Variants in ZDHHC7 observed in about 807,000 individuals in gnomAD.
ZDHHC7 encodes the protein zDHHC palmitoyltransferase 7.
ZDHHC7 carries 12 observed loss-of-function variants against 34.1 expected under a neutral mutation model. The observed-to-expected ratio is 0.35, with a 90% CI of 0.23 to 0.57. The LOEUF (loss-of-function observed/expected upper bound fraction) is 0.57. Among genes scored for constraint, ZDHHC7 ranks in the 20% least tolerant of loss-of-function variants. The probability of loss-of-function intolerance (pLI) is 0.84; values close to 1 mark genes in which losing one functional copy is unlikely to be tolerated. For synonymous variants in ZDHHC7, 185 were observed against 155.4 expected (o/e 1.19, Z -1.42); for missense variants, 388 against 402.7 (o/e 0.96, Z 0.31).
At position 84,977,172 on chromosome 16, in the gene ZDHHC7, G is replaced by A; in HGVS notation, c.673C>T (p.Leu225Phe). Residue 225 changes from leucine to phenylalanine, a missense_variant, in exon 7 of 8, where the codon CTT becomes TTT. Leu to Phe is a conservative substitution (Grantham distance 22, BLOSUM62 0). Coordinates refer to ENST00000313732, the MANE Select transcript of ZDHHC7 (RefSeq NM_017740.3). ...AAAGTGAAAAACAGAAGACCCTCAAGGCACAGGAAGATCAACAGGATTACA... is the reference window on the plus strand; with the variant it reads ...AAAGTGAAAAACAGAAGACCCTCAAAGCACAGGAAGATCAACAGGATTACA... Reference protein sequence around the residue: ...ITVILLIFLCLEGLLFFTFTA... With the variant: ...ITVILLIFLCFEGLLFFTFTA... 1 of 1,614,192 alleles carries A rather than the reference G, an allele frequency of 6.2e-7. No homozygotes were observed. Among genetic ancestry groups the A allele is most frequent in the Non-Finnish European group, 8.5e-7 (1 of 1,180,036 alleles).
chr16:84,994,914 C>G (rs2072556669), intron 2 of ZDHHC7, among the ~76,000 whole-genome samples: 1 of 152,182 alleles, frequency 6.6e-6, no homozygotes. Context: ...TCACTCGTGT[C>G]TCTGAGTCAC....
At chr16:85,021,806 G>A in the ZDHHC7 span, among the ~76,000 whole-genome samples, 1 of 151,492 alleles carries the variant, frequency 6.6e-6, no homozygotes. Flanking sequence ...GGGAGGGGAG[G>A]AGGAGGAGAG....
intron 3 of ZDHHC7, among the ~76,000 whole-genome samples, chr16:84,983,883 T>C (rs1463115479): frequency 6.7e-6 from 1 of 149,370 alleles, no homozygotes; most frequent in Non-Finnish European, 1.5e-5. Context: ...GCTTGTAATA[T>C]CCCAGCTACT....
rs117007632 is a variant in ZDHHC7, at chr16:84,994,138, G to A, written c.-18+1784C>T. ...AGAGCTCTTGCAGGTCCGACCTCCC[G>A]GCCTGATGTCAGCCCCTCCAGGGGG... On this transcript the variant is annotated intron_variant, in intron 2 of 7. Coordinates refer to ENST00000313732, the MANE Select transcript of ZDHHC7 (RefSeq NM_017740.3). 1.5e-3 allele frequency among the ~76,000 whole-genome samples: 231 copies of A among 152,292 alleles called. No homozygotes were observed. The East Asian group carries it at 0.031, about 20-fold the overall frequency.
chr16:84,983,576 C>G (rs555175833), intron 3 of ZDHHC7, among the ~76,000 whole-genome samples: 1 of 152,300 alleles, frequency 6.6e-6, no homozygotes, highest in South Asian at 2.1e-4. Context: ...AAACAAGGCC[C>G]CGTCAGTCCC....
In ZDHHC7 at chr16:84,998,369, G is replaced by C. The variant is rs368194529; in HGVS notation, c.-103-2362C>G. 4.6e-5 allele frequency among the ~76,000 whole-genome samples: 7 copies of C among 152,242 alleles called. No individual in the cohort carries two copies. The East Asian group carries it at 9.7e-4, about 21-fold the overall frequency. The stretch of plus-strand genomic sequence containing the variant: ...GAAAAGGGCGCAAGCAGATCTCCTT[G>C]TGGTAGGTTTCGGCTCTGGCTTCGG... On this transcript the variant is annotated intron_variant, in intron 1 of 7. Coordinates refer to ENST00000313732, the MANE Select transcript of ZDHHC7 (RefSeq NM_017740.3).
chr16:84,975,417 G>A lies in ZDHHC7; in HGVS notation c.*926C>T, dbSNP rs2072282187. ...GAGCCGCAGCTCTGCTCTTACCTAG[G>A]TGCCATTTATACACTGCTAATTTGG... On this transcript the variant is annotated 3_prime_UTR_variant, in exon 8 of 8. Transcript: ENST00000313732. The A allele has an allele frequency of 6.6e-6, 1 of 151,976 alleles. No homozygotes were observed. The highest frequency in any genetic ancestry group is 2.4e-5 in the African/African-American group (1 of 41,238). 9.4% of individuals were successfully genotyped at this position (151,976 alleles called of 1,614,324 possible). A position where few individuals can be genotyped will look rare whatever the true frequency, so the allele number is the denominator to read the frequency against.
chr16:84,989,209 C>G (rs2072476529), intron 3 of ZDHHC7, among the ~76,000 whole-genome samples: 2 of 152,216 alleles, frequency 1.3e-5, no homozygotes, highest in African/African-American at 4.8e-5. Flanking sequence ...GGTACCACTC[C>G]CCAGCTGCCC....
At chr16:85,027,183 C>G in the ZDHHC7 span, among the ~76,000 whole-genome samples, 11 of 152,192 alleles carry the variant, frequency 7.2e-5, no homozygotes, top group African/African-American at 2.7e-4. Context: ...GTAAATTGGC[C>G]TCTGATTGCT....
At position 84,976,456 on chromosome 16, in the gene ZDHHC7, T is replaced by C; in HGVS notation, c.814A>G (p.Lys272Glu). 6.2e-7 allele frequency: 1 copy of C among 1,614,110 alleles called. No homozygotes were observed. The highest frequency in any genetic ancestry group is 1.1e-5 in the South Asian group (1 of 91,076). The change falls in exon 8 of 8, where the codon AAG becomes GAG. Residue 272 changes from lysine to glutamate, a missense_variant. By Grantham distance (56) the Lys-to-Glu change is moderately conservative. Transcript: ENST00000313732. ...GAGGGGGGCCCCCCAAAGACGGACTTCATCCCTTCCCATCGCAGCCTCCGC... is the reference window on the plus strand; with the variant it reads ...GAGGGGGGCCCCCCAAAGACGGACTCCATCCCTTCCCATCGCAGCCTCCGC... The part of the protein sequence containing the change: ...WERRLRWEGM[K>E]SVFGGPPSLL...
intron 4 of ZDHHC7, among the ~76,000 whole-genome samples, chr16:84,979,914 G>T (rs551177397): frequency 3.3e-4 from 50 of 149,970 alleles, no homozygotes; most frequent in African/African-American, 1.2e-3. Context: ...ATGGCAGCAG[G>T]TTCGCTGCAG....
intron 3 of ZDHHC7, among the ~76,000 whole-genome samples, chr16:84,982,454 C>T (rs117019264): frequency 0.01 from 1,542 of 152,256 alleles, 12 homozygotes; most frequent in Non-Finnish European, 0.014. Context: ...AGAGGCAAGG[C>T]TTATTCCCAG....
rs910097415 is a variant in ZDHHC7 at position 84,981,923 on chromosome 16, G to T, written c.387C>A (p.Ile129=). The part of the protein sequence containing the change: ...ESLQLKPGEV[I]YKCPKCCCIK... Reference sequence around the variant, plus strand: ...TACAGCAGCACTTGGGGCACTTGTAGATGACTTCCCCGGGCTTCAGCTGCA... The same window carrying T: ...TACAGCAGCACTTGGGGCACTTGTATATGACTTCCCCGGGCTTCAGCTGCA... Residue 129 remains isoleucine (I), a synonymous_variant, in exon 4 of 8, where the codon ATC becomes ATA. Coordinates refer to ENST00000313732, the MANE Select transcript of ZDHHC7 (RefSeq NM_017740.3). 6.2e-7 allele frequency: 1 copy of T among 1,614,224 alleles called. No individual in the cohort carries two copies. Among genetic ancestry groups the T allele is most frequent in the African/African-American group, 1.3e-5 (1 of 75,054 alleles).
chr16:84,993,856 G>T (rs557436704), intron 2 of ZDHHC7, among the ~76,000 whole-genome samples: 1 of 152,114 alleles, frequency 6.6e-6, no homozygotes, highest in African/African-American at 2.4e-5. Context: ...TCACCCTGCA[G>T]GGCCTAACTT....
At position 84,976,151 on chromosome 16, in the gene ZDHHC7, T is replaced by C. The variant is rs549328851; in HGVS notation, c.*192A>G. The C allele has an allele frequency of 2.9e-6, 2 of 697,012 alleles. No homozygotes were observed. Among genetic ancestry groups the C allele is most frequent in the Non-Finnish European group, 4.6e-6 (2 of 432,900 alleles). 43.2% of individuals were successfully genotyped at this position (697,012 alleles called of 1,614,324 possible). A position where few individuals can be genotyped will look rare whatever the true frequency, so the allele number is the denominator to read the frequency against. On this transcript the variant is annotated 3_prime_UTR_variant, in exon 8 of 8. Transcript: ENST00000313732. ...GTGGCCACACACCTTTCCGTTGTTG[T>C]ACAGGTGGGGACTGAGAGCCTCTTC...
chr16:85,012,474 CATT>C (rs2072807565), upstream of ZDHHC7, among the ~76,000 whole-genome samples: 1 of 151,722 alleles, frequency 6.6e-6, no homozygotes, highest in African/African-American at 2.4e-5. Context: ...CCATTTAACT[CATT>C]AATGATGGTA....
upstream of ZDHHC7, among the ~76,000 whole-genome samples, chr16:85,013,893 G>A (rs1219042435): frequency 6.6e-6 from 1 of 151,822 alleles, no homozygotes; most frequent in Admixed American, 6.6e-5. Context: ...TCACTATGTT[G>A]GCCAGGCTGG....
intron 4 of ZDHHC7, among the ~76,000 whole-genome samples, chr16:84,979,687 C>T (rs543983147): frequency 6.6e-6 from 1 of 152,240 alleles, no homozygotes; most frequent in South Asian, 2.1e-4. Context: ...ATAATTCCTA[C>T]CACTGAATCC....
chr16:85,010,443 T>C (rs1287066375), intron 1 of ZDHHC7, among the ~76,000 whole-genome samples: 1 of 152,212 alleles, frequency 6.6e-6, no homozygotes, highest in Admixed American at 6.5e-5. Flanking sequence ...TTAATACACA[T>C]TGACCTAAAT....
Sources: gnomAD v4.1 joint callset for allele counts (sites outside exome capture counted in the v4.1 genomes callset) on GRCh38, gnomAD v4.1.1 for gene constraint, MANE v1.5 for transcripts, NCBI Gene and HGNC (gene_info 2026-07-23, HGNC 2026-07-21) for gene names.